Variants in PRSS23 observed in about 807,000 individuals in gnomAD.
PRSS23 encodes protease, serine 23.
Under a neutral mutation model 34.7 loss-of-function variants are expected in PRSS23, and 25 were observed. That is an observed-to-expected ratio of 0.72 (90% CI 0.53 to 1.01). PRSS23 has a LOEUF of 1.01. PRSS23 is among the 50% of genes least tolerant of loss of function. The pLI, the probability that PRSS23 is intolerant of heterozygous loss-of-function variation, is 0.00. For missense variants in PRSS23, 445 were observed against 475.6 expected (o/e 0.94, Z 0.60); for synonymous variants, 176 against 186.6 (o/e 0.94, Z 0.46).
intron 2 of PRSS23, among the ~76,000 whole-genome samples, chr11:86,871,530 C>T (rs990910805): frequency 1.3e-5 from 2 of 152,192 alleles, no homozygotes; most frequent in Middle Eastern, 3.2e-3. Context: ...CAAATTCTGG[C>T]CACCTCAGTA....
chr11:86,796,108 T>TA (rs555854526), upstream of PRSS23, among the ~76,000 whole-genome samples: 11 of 152,228 alleles, frequency 7.2e-5, no homozygotes, highest in East Asian at 1.2e-3. Context: ...AAAGGATACT[T>TA]AGAGCTGGAG....
rs142908794 is a variant in PRSS23 at position 86,873,256 on chromosome 11, G to GTGTATATA, written c.206+49664_206+49665insGTATATAT. On this transcript the variant is annotated intron_variant, in intron 2 of 2. Transcript: ENST00000533902. ...TATATACACACACACACATATATAT[G>GTGTATATA]TATATATATATACACACACATATAT... Among the ~76,000 whole-genome samples, 133 of 121,136 alleles carry GTGTATATA rather than the reference G, an allele frequency of 1.1e-3. 1 individual carries two copies. The highest frequency in any genetic ancestry group is 3.4e-3 in the African/African-American group (96 of 28,000). 79.5% of individuals were successfully genotyped at this position (121,136 alleles called of 152,430 possible). A position where few individuals can be genotyped will look rare whatever the true frequency, so the allele number is the denominator to read the frequency against.
chr11:86,884,313 G>GTTT, intron 2 of PRSS23, among the ~76,000 whole-genome samples: 1 of 151,844 alleles, frequency 6.6e-6, no homozygotes, highest in Non-Finnish European at 1.5e-5. Context: ...GTTTTGTTTT[G>GTTT]TTTTGAGACA....
chr11:86,912,524 T>A (rs1432012493), intron 2 of PRSS23, among the ~76,000 whole-genome samples: 2 of 152,186 alleles, frequency 1.3e-5, no homozygotes, highest in Non-Finnish European at 2.9e-5. Context: ...CTCTTCAAGT[T>A]CACTAACCCT....
intron 2 of PRSS23, among the ~76,000 whole-genome samples, chr11:86,863,879 C>A (rs11234839): frequency 0.24 from 36,357 of 152,164 alleles, 4,934 homozygotes; most frequent in Non-Finnish European, 0.31. Flanking sequence ...TTCTCTAATT[C>A]TGCATTGTGT....
downstream of PRSS23, among the ~76,000 whole-genome samples, chr11:86,815,254 G>A (rs903183987): frequency 2.0e-5 from 3 of 152,236 alleles, no homozygotes; most frequent in East Asian, 1.9e-4. Context: ...CCCCTTCCTC[G>A]GGGAGTTCTT....
At chr11:86,826,319 T>G (rs1306557240) in intron 2 of PRSS23, among the ~76,000 whole-genome samples, 1 of 152,088 alleles carries the variant, frequency 6.6e-6, no homozygotes, top group African/African-American at 2.4e-5. Context: ...ATAAGAATGC[T>G]TGTGATTTTT....
chr11:86,952,831 A>C (rs1949306133), exon 3 of PRSS23: 1 of 179,202 alleles, frequency 5.6e-6, no homozygotes, highest in Non-Finnish European at 1.2e-5. Context: ...AAAAAGCTAA[A>C]GAAACTAATA....
chr11:86,849,326 A>C (rs1434996269), intron 2 of PRSS23, among the ~76,000 whole-genome samples: 4 of 152,324 alleles, frequency 2.6e-5, no homozygotes, highest in Non-Finnish European at 4.4e-5. Flanking sequence ...TGTTACGCCC[A>C]AAAGTCCCAC....
rs151116582 is a variant in PRSS23, at chr11:86,874,740, T to A, written c.206+51147T>A. The stretch of plus-strand genomic sequence containing the variant: ...TTATGCCTGTGGGTTCTGTGGGTCA[T>A]GAATTGGGATATTTTATAGGGAGGA... On this transcript the variant is annotated intron_variant, in intron 2 of 2. Transcript: ENST00000533902. 3.3e-3 allele frequency among the ~76,000 whole-genome samples: 508 copies of A among 152,334 alleles called. 1 individual carries two copies. The highest frequency in any genetic ancestry group is 0.012 in the African/African-American group (480 of 41,578).
At chr11:86,895,237 T>C (rs1316078667) in intron 2 of PRSS23, among the ~76,000 whole-genome samples, 1 of 152,170 alleles carries the variant, frequency 6.6e-6, no homozygotes, top group Non-Finnish European at 1.5e-5. Context: ...CAGACCAAGG[T>C]ACAGATCCTG....
chr11:86,852,913 G>C (rs1212027325), intron 2 of PRSS23, among the ~76,000 whole-genome samples: 3 of 152,164 alleles, frequency 2.0e-5, no homozygotes, highest in Admixed American at 6.5e-5. Flanking sequence ...GAGTGCAGTG[G>C]CATGATCTCG....
At chr11:86,816,311 T>A (rs1031452939) in intron 1 of PRSS23, among the ~76,000 whole-genome samples, 2 of 152,180 alleles carry the variant, frequency 1.3e-5, no homozygotes, top group Non-Finnish European at 2.9e-5. Flanking sequence ...CTGAGATACA[T>A]CCCTGTGCTC....
intron 2 of PRSS23, among the ~76,000 whole-genome samples, chr11:86,828,023 A>G (rs920788908): frequency 3.9e-5 from 6 of 152,168 alleles, no homozygotes; most frequent in African/African-American, 1.4e-4. Context: ...CTTGGTGCAG[A>G]GCTGAGTTCA....
At chr11:86,901,299 A>T (rs1948910785) in intron 2 of PRSS23, among the ~76,000 whole-genome samples, 1 of 152,146 alleles carries the variant, frequency 6.6e-6, no homozygotes, top group Admixed American at 6.5e-5. Flanking sequence ...ATATACCAAG[A>T]ACCGAAAACA....
intron 2 of PRSS23, among the ~76,000 whole-genome samples, chr11:86,878,726 C>T (rs1346367623): frequency 1.3e-5 from 2 of 151,698 alleles, no homozygotes; most frequent in Non-Finnish European, 2.9e-5. Flanking sequence ...GGCCGCCCAT[C>T]GTCTGGGACG....
At chr11:86,805,885 C>A (rs537748334) in intron 1 of PRSS23, among the ~76,000 whole-genome samples, 1 of 152,334 alleles carries the variant, frequency 6.6e-6, no homozygotes, top group East Asian at 1.9e-4. Flanking sequence ...ACAGTTTCTT[C>A]CTAACTTCTG....
chr11:86,891,627 C>T (rs180969700), intron 2 of PRSS23, among the ~76,000 whole-genome samples: 1 of 152,184 alleles, frequency 6.6e-6, no homozygotes, highest in Non-Finnish European at 1.5e-5. Flanking sequence ...ATTTCTTAAA[C>T]TAAATAACCA....
intron 2 of PRSS23, among the ~76,000 whole-genome samples, chr11:86,871,726 G>T (rs1948685509): frequency 6.6e-6 from 1 of 152,144 alleles, no homozygotes; most frequent in Admixed American, 6.5e-5. Context: ...AGTGGGAGGA[G>T]AACTCTGATA....
Sources: gnomAD v4.1 joint callset for allele counts (sites outside exome capture counted in the v4.1 genomes callset) on GRCh38, gnomAD v4.1.1 for gene constraint, MANE v1.5 for transcripts, NCBI Gene and HGNC (gene_info 2026-07-23, HGNC 2026-07-21) for gene names.